TAFA2: variants seen among roughly 807,000 people sequenced by gnomAD.
TAFA2 encodes chemokine-like protein TAFA-2.
In TAFA2, 7 loss-of-function variants were observed where a neutral mutation model predicts 18.8. The observed-to-expected ratio is 0.37, with a 90% confidence interval of 0.21 to 0.70. TAFA2 has a LOEUF of 0.70. Among genes scored for constraint, TAFA2 ranks in the 30% least tolerant of loss-of-function variants. The pLI, the probability that TAFA2 is intolerant of heterozygous loss-of-function variation, is 0.53. For missense variants in TAFA2, 122 were observed against 158.1 expected, an observed-to-expected ratio of 0.77 and a Z score of 1.23; for synonymous variants, 60 against 54.2, an observed-to-expected ratio of 1.11 and a Z score of -0.47.
At chr12:62,256,458 C>G (rs988906402) in intron 1 of TAFA2, among the ~76,000 whole-genome samples, 6 of 152,162 alleles carry the variant, frequency 3.9e-5, no homozygotes, top group African/African-American at 1.4e-4. Context: ...TTATCCCCAA[C>G]AGATTTCCTT....
chr12:61,979,759 G>A (rs994546710), intron 1 of TAFA2, among the ~76,000 whole-genome samples: 4 of 151,958 alleles, frequency 2.6e-5, no homozygotes, highest in South Asian at 2.1e-4. Flanking sequence ...GTAGAAGCAC[G>A]GCACCACCCC....
At chr12:62,143,500 T>C (rs2062255086) in intron 1 of TAFA2, among the ~76,000 whole-genome samples, 1 of 152,114 alleles carries the variant, frequency 6.6e-6, no homozygotes, top group Admixed American at 6.5e-5. Flanking sequence ...AAGAACTTTG[T>C]TTCATCTATA....
intron 1 of TAFA2, chr12:61,880,316 G>T: frequency 2.1e-6 from 1 of 483,770 alleles, no homozygotes; most frequent in Non-Finnish European, 4.1e-6. Context: ...GGCTTCCCTG[G>T]AGGCCACCAT....
chr12:62,046,825 T>A (rs1881921307), intron 1 of TAFA2, among the ~76,000 whole-genome samples: 2 of 152,140 alleles, frequency 1.3e-5, no homozygotes, highest in South Asian at 4.1e-4. Flanking sequence ...ATGTTATTAT[T>A]TCAACATATT....
intron 1 of TAFA2, among the ~76,000 whole-genome samples, chr12:62,037,269 C>T (rs955804399): frequency 1.3e-5 from 2 of 152,148 alleles, no homozygotes; most frequent in Non-Finnish European, 2.9e-5. Flanking sequence ...CCCATCTGTG[C>T]AGGGTGAGTT....
chr12:61,926,861 A>C (rs917336415), intron 1 of TAFA2, among the ~76,000 whole-genome samples: 2 of 151,960 alleles, frequency 1.3e-5, no homozygotes, highest in Non-Finnish European at 2.9e-5. Flanking sequence ...TCACAAGGTC[A>C]AGAGATCAAG....
At chr12:62,256,482 T>G (rs2062939649) in intron 1 of TAFA2, among the ~76,000 whole-genome samples, 1 of 152,182 alleles carries the variant, frequency 6.6e-6, no homozygotes, top group Admixed American at 6.5e-5. Context: ...CCATTTACAT[T>G]AGCTGTATCT....
intron 4 of TAFA2, among the ~76,000 whole-genome samples, chr12:61,743,628 A>G (rs1868559952): frequency 6.6e-6 from 1 of 152,060 alleles, no homozygotes; most frequent in Admixed American, 6.6e-5. Context: ...GGTGCACTTC[A>G]CAAACAACTC....
intron 1 of TAFA2, among the ~76,000 whole-genome samples, chr12:61,878,951 C>A (rs376414104): frequency 1.3e-5 from 2 of 152,134 alleles, no homozygotes; most frequent in African/African-American, 4.8e-5. Context: ...GATGAGGGAG[C>A]AGGCTTAAAG....
chr12:62,043,607 G>C (rs1189267778), intron 1 of TAFA2, among the ~76,000 whole-genome samples: 1 of 151,934 alleles, frequency 6.6e-6, no homozygotes, highest in African/African-American at 2.4e-5. Flanking sequence ...AAAACTTAAA[G>C]TGTAATAATA....
intron 1 of TAFA2, among the ~76,000 whole-genome samples, chr12:62,243,254 T>C (rs2062870899): frequency 6.6e-6 from 1 of 152,204 alleles, no homozygotes; most frequent in Admixed American, 6.5e-5. Context: ...CTAACCTTAC[T>C]GATAAAAGAA....
chr12:62,239,946 A>C (rs2062854578), intron 1 of TAFA2, among the ~76,000 whole-genome samples: 1 of 152,146 alleles, frequency 6.6e-6, no homozygotes, highest in African/African-American at 2.4e-5. Flanking sequence ...AGATAACTAG[A>C]ATAGTCAGCC....
chr12:62,064,930 T>C (rs1158812954), intron 1 of TAFA2, among the ~76,000 whole-genome samples: 1 of 152,048 alleles, frequency 6.6e-6, no homozygotes, highest in Non-Finnish European at 1.5e-5. Context: ...AAACTAGAGG[T>C]TCAGTTTCCA....
intron 1 of TAFA2, among the ~76,000 whole-genome samples, chr12:62,233,031 CCTCA>C (rs1401073728): frequency 6.9e-6 from 1 of 145,586 alleles, no homozygotes; most frequent in Non-Finnish European, 1.5e-5. Context: ...AATTGCAAGT[CCTCA>C]CTATTTGTCC....
At chr12:62,087,263 G>A (rs1411736153) in intron 1 of TAFA2, among the ~76,000 whole-genome samples, 1 of 152,094 alleles carries the variant, frequency 6.6e-6, no homozygotes, top group Non-Finnish European at 1.5e-5. Flanking sequence ...TAATACCATT[G>A]AACTGTACAC....
intron 1 of TAFA2, among the ~76,000 whole-genome samples, chr12:61,945,989 G>A (rs1212975302): frequency 4.6e-4 from 56 of 122,388 alleles, no homozygotes; most frequent in African/African-American, 1.5e-3. Context: ...AAAAGAGCCC[G>A]CATCGCCAAG....
chr12:61,880,631 C>A, intron 1 of TAFA2: 1 of 398,272 alleles, frequency 2.5e-6, no homozygotes, highest in Non-Finnish European at 4.9e-6. Context: ...CCCTCCTCAG[C>A]TATGGCCTGA....
intron 1 of TAFA2, chr12:62,252,494 G>A (rs1049798468): frequency 3.3e-5 from 5 of 152,204 alleles, no homozygotes; most frequent in African/African-American, 1.2e-4. Context: ...CTATGGAGAT[G>A]AGTAGCACAA....
intron 1 of TAFA2, among the ~76,000 whole-genome samples, chr12:62,114,008 C>G (rs1869848782): frequency 6.6e-6 from 1 of 152,188 alleles, no homozygotes; most frequent in Non-Finnish European, 1.5e-5. Context: ...ATGATTCTGT[C>G]TCGCTGGCAT....
Sources: gnomAD v4.1 joint callset for allele counts (sites outside exome capture counted in the v4.1 genomes callset) on GRCh38, gnomAD v4.1.1 for gene constraint, MANE v1.5 for transcripts, NCBI Gene and HGNC (gene_info 2026-07-23, HGNC 2026-07-21) for gene names.